PACSIN2: variants seen among roughly 807,000 people sequenced by gnomAD.
The protein encoded by PACSIN2 is protein kinase C and casein kinase substrate in neurons 2.
Under a neutral mutation model 63.8 loss-of-function variants are expected in PACSIN2, and 25 were observed. That is an observed-to-expected ratio of 0.39 (90% confidence interval 0.29 to 0.55). The LOEUF is 0.55. Ranked by LOEUF, PACSIN2 falls within the 20% of genes least tolerant of loss-of-function variation. PACSIN2 has a pLI of 0.62. For missense variants in PACSIN2, 518 were observed against 646.9 expected (o/e 0.80, Z 2.16); for synonymous variants, 255 against 256.2 (o/e 1.00, Z 0.05).
chr22:42,944,066 T>C (rs1933296857), intron 1 of PACSIN2, among the ~76,000 whole-genome samples: 1 of 152,178 alleles, frequency 6.6e-6, no homozygotes, highest in South Asian at 2.1e-4. Context: ...ACTGTGTTGG[T>C]AGTCCTGGCC....
intron 1 of PACSIN2, among the ~76,000 whole-genome samples, chr22:42,935,291 G>A (rs1421041503): frequency 6.6e-6 from 1 of 152,026 alleles, no homozygotes; most frequent in South Asian, 2.1e-4. Context: ...TGATTATCGA[G>A]GACCTGCCTC....
chr22:42,904,804 C>A (rs1468535137), intron 2 of PACSIN2, among the ~76,000 whole-genome samples: 1 of 152,186 alleles, frequency 6.6e-6, no homozygotes, highest in Non-Finnish European at 1.5e-5. Flanking sequence ...CTCCTGTTAC[C>A]CTACCAGTCC....
At chr22:42,895,168 G>A (rs1264168359) in intron 2 of PACSIN2, among the ~76,000 whole-genome samples, 1 of 152,256 alleles carries the variant, frequency 6.6e-6, no homozygotes, top group Admixed American at 6.5e-5. Context: ...AGCTGAACCT[G>A]AGCATCCACT....
At chr22:42,924,076 C>T (rs1932377127) in intron 1 of PACSIN2, among the ~76,000 whole-genome samples, 1 of 151,830 alleles carries the variant, frequency 6.6e-6, no homozygotes. Context: ...TGGAGAATAC[C>T]CGACTTTGTT....
intron 1 of PACSIN2, among the ~76,000 whole-genome samples, chr22:42,973,427 GT>G (rs3216442): frequency 0.6 from 91,508 of 152,056 alleles, 28,070 homozygotes; most frequent in East Asian, 0.75. Context: ...GTACCACACT[GT>G]TTTTTGTCAA....
At chr22:42,904,074 GA>G (rs781537607) in intron 2 of PACSIN2, among the ~76,000 whole-genome samples, 12 of 152,162 alleles carry the variant, frequency 7.9e-5, no homozygotes, top group Non-Finnish European at 1.8e-4. Flanking sequence ...CAGAAACCCA[GA>G]AATTGCAATT....
chr22:43,014,715 G>A (rs1278513549), intron 1 of PACSIN2, among the ~76,000 whole-genome samples: 3 of 144,266 alleles, frequency 2.1e-5, no homozygotes, highest in African/African-American at 7.9e-5. Context: ...AGCAGGCCCC[G>A]GACCCCGGAA....
chr22:42,906,773 G>A (rs1601498228), intron 2 of PACSIN2, among the ~76,000 whole-genome samples: 1 of 152,118 alleles, frequency 6.6e-6, no homozygotes, highest in Non-Finnish European at 1.5e-5. Flanking sequence ...CCCAAAATAA[G>A]CATAAGAACC....
intron 1 of PACSIN2, among the ~76,000 whole-genome samples, chr22:43,008,037 A>G (rs966470551): frequency 2.0e-5 from 3 of 152,272 alleles, no homozygotes; most frequent in African/African-American, 7.2e-5. Flanking sequence ...CACACATGAC[A>G]TAACAGGAAG....
intron 1 of PACSIN2, among the ~76,000 whole-genome samples, chr22:42,984,102 C>A (rs1922441246): frequency 6.6e-6 from 1 of 151,602 alleles, no homozygotes; most frequent in Admixed American, 6.6e-5. Context: ...TCCTGAGCAG[C>A]TGGGATCATA....
intron 1 of PACSIN2, among the ~76,000 whole-genome samples, chr22:42,946,589 T>C (rs1432752658): frequency 6.6e-6 from 1 of 152,204 alleles, no homozygotes; most frequent in African/African-American, 2.4e-5. Context: ...TTTGCCACCA[T>C]GTCCCCACAG....
rs529941031 is a variant in PACSIN2 at position 42,991,214 on chromosome 22, T to C, written c.-78+23807A>G. Among the ~76,000 whole-genome samples the C allele has an allele frequency of 3.9e-5, 6 of 152,306 alleles. No individual in the cohort carries two copies. In the South Asian group the frequency reaches 1.2e-3, roughly 32 times the overall value. ...AGACTGCTCAGAGCCACTTTGTGAC[T>C]GAAGGGAAAAGAATGAACTTGTGTT... is the stretch of plus-strand genomic sequence containing the variant. On this transcript the variant is annotated intron_variant, in intron 1 of 10. Coordinates refer to ENST00000263246, the MANE Select transcript of PACSIN2 (RefSeq NM_001184970.3).
chr22:42,882,299 T>C lies in PACSIN2; in HGVS notation c.791A>G (p.Lys264Arg). 1 of 1,610,072 alleles carries C rather than the reference T, an allele frequency of 6.2e-7. No individual in the cohort carries two copies. The highest frequency in any genetic ancestry group is 1.1e-5 in the South Asian group (1 of 90,804). ...CTGCTCCAGGTCATGGTAAATGGCT[T>C]TGTAGCTAAATCAGAGAGAAACGTG... ...HLDLSNVAGY[K>R]AIYHDLEQSI... is the part of the protein sequence containing the mutation. The change falls in exon 7 of 11, where the codon AAA becomes AGA. Residue 264 changes from lysine to arginine, a missense_variant. By Grantham distance (26) the Lys-to-Arg change is conservative. Around this residue, in one of 2 missense-constraint regions of PACSIN2, gnomAD observed 507 missense variants for 612.3 expected, o/e 0.83. Transcript: ENST00000263246.
At chr22:42,936,215 CA>C (rs5845572) in intron 1 of PACSIN2, among the ~76,000 whole-genome samples, 192 of 128,958 alleles carry the variant, frequency 1.5e-3, no homozygotes, top group Admixed American at 1.4e-3. Flanking sequence ...GACTCCGTCT[CA>C]AAAAAAAAAA....
chr22:42,948,023 A>T (rs1171013368), intron 1 of PACSIN2, among the ~76,000 whole-genome samples: 1 of 152,192 alleles, frequency 6.6e-6, no homozygotes, highest in Non-Finnish European at 1.5e-5. Context: ...ACAACATGCT[A>T]CGGGGACACA....
intron 2 of PACSIN2, among the ~76,000 whole-genome samples, chr22:42,902,662 T>G (rs1930776991): frequency 6.6e-6 from 1 of 152,092 alleles, no homozygotes; most frequent in South Asian, 2.1e-4. Flanking sequence ...CAGTGGTGCA[T>G]CTCAGCAGTG....
rs529892201 is a variant in PACSIN2 at position 42,878,931 on chromosome 22, G to A, written c.1028+117C>T. 48 of 1,231,776 alleles carry A rather than the reference G, an allele frequency of 3.9e-5. No homozygotes were observed. In the South Asian group the frequency reaches 7.8e-4, roughly 20 times the overall value. The allele number at this position is 1,231,776 out of a possible 1,614,324, so 76.3% of individuals were successfully genotyped here. A position where few individuals can be genotyped will look rare whatever the true frequency, so the allele number is the denominator to read the frequency against. Reference sequence around the variant, plus strand: ...TCCAGGCTGGGCCACGGCCCACAGAGCTCAGGAGCCCAGGAACCTCCCAGG... The same window carrying A: ...TCCAGGCTGGGCCACGGCCCACAGAACTCAGGAGCCCAGGAACCTCCCAGG... On this transcript the variant is annotated intron_variant, in intron 8 of 10. Transcript: ENST00000263246.
intron 1 of PACSIN2, among the ~76,000 whole-genome samples, chr22:42,945,484 G>A (rs1240855729): frequency 6.6e-6 from 1 of 152,068 alleles, no homozygotes; most frequent in African/African-American, 2.4e-5. Context: ...GCCTCCACTT[G>A]GCCATCACAC....
chr22:42,972,709 T>A (rs976418898), intron 1 of PACSIN2, among the ~76,000 whole-genome samples: 8 of 152,084 alleles, frequency 5.3e-5, no homozygotes, highest in African/African-American at 1.9e-4. Context: ...AAGCACACAG[T>A]CTACTGCCTC....
Sources: gnomAD v4.1 joint callset for allele counts (sites outside exome capture counted in the v4.1 genomes callset) on GRCh38, gnomAD v4.1.1 for gene constraint, gnomAD v4.1.1 regional missense constraint, MANE v1.5 for transcripts, NCBI Gene and HGNC (gene_info 2026-07-23, HGNC 2026-07-21) for gene names.